PIAS2: variants seen among roughly 807,000 people sequenced by gnomAD.
The protein encoded by PIAS2 is protein inhibitor of activated STAT 2.
Under a neutral mutation model 69.7 loss-of-function variants are expected in PIAS2, and 19 were observed. That is an observed-to-expected ratio of 0.27 (90% CI 0.19 to 0.40). The LOEUF (loss-of-function observed/expected upper bound fraction) is 0.40. Ranked by LOEUF, PIAS2 falls within the 10% of genes least tolerant of loss-of-function variation. The pLI is 1.00. For synonymous variants in PIAS2, 261 were observed against 263.2 expected (o/e 0.99, Z 0.08); for missense variants, 624 against 757.0 (o/e 0.82, Z 2.06).
At position 46,856,029 on chromosome 18, in the gene PIAS2, A is replaced by G. The variant is rs762115994; in HGVS notation, c.585-414T>C. ...TTTTTTTTTTTTTTTTTTTTGAGAC[A>G]GAGTCTTGCCCTGTCGCCCAGGCTG... On this transcript the variant is annotated intron_variant, in intron 3 of 13. Coordinates refer to ENST00000585916, the MANE Select transcript of PIAS2 (RefSeq NM_004671.5). 5.7e-5 allele frequency among the ~76,000 whole-genome samples: 6 copies of G among 104,594 alleles called. No individual in the cohort carries two copies. The Admixed American group carries it at 8.0e-4, about 14-fold the overall frequency. The allele number at this position is 104,594 out of a possible 152,430, so 68.6% of individuals were successfully genotyped here.
At chr18:46,908,266 C>T (rs1200410061) in intron 1 of PIAS2, among the ~76,000 whole-genome samples, 2 of 152,168 alleles carry the variant, frequency 1.3e-5, no homozygotes, top group Non-Finnish European at 2.9e-5. Context: ...TGAGCCACCT[C>T]ACCAGGCAAG....
intron 2 of PIAS2, among the ~76,000 whole-genome samples, chr18:46,871,735 A>C (rs1797905180): frequency 6.6e-6 from 1 of 152,180 alleles, no homozygotes; most frequent in South Asian, 2.1e-4. Flanking sequence ...GAAAGGAGAA[A>C]GGTTTAAAGC....
At chr18:46,881,111 A>T (rs1256575002) in intron 2 of PIAS2, among the ~76,000 whole-genome samples, 1 of 152,162 alleles carries the variant, frequency 6.6e-6, no homozygotes, top group East Asian at 1.9e-4. Context: ...TCTTCAAATG[A>T]AACAGCAGCC....
At chr18:46,913,002 A>G (rs2057426066) in intron 1 of PIAS2, among the ~76,000 whole-genome samples, 1 of 152,168 alleles carries the variant, frequency 6.6e-6, no homozygotes, top group Non-Finnish European at 1.5e-5. Context: ...CTTTAAGTTA[A>G]ATATATTTTG....
chr18:46,889,055 A>G (rs1379096008), intron 2 of PIAS2, among the ~76,000 whole-genome samples: 1 of 152,210 alleles, frequency 6.6e-6, no homozygotes, highest in African/African-American at 2.4e-5. Flanking sequence ...AAAGCTGGAC[A>G]CTCACCTAAT....
intron 1 of PIAS2, among the ~76,000 whole-genome samples, chr18:46,910,250 A>G (rs904594725): frequency 6.6e-6 from 1 of 152,204 alleles, no homozygotes; most frequent in Non-Finnish European, 1.5e-5. Flanking sequence ...AATTCAGTAC[A>G]ATGGCTACTG....
chr18:46,837,348 T>C (rs1318883218), intron 8 of PIAS2, among the ~76,000 whole-genome samples: 1 of 147,862 alleles, frequency 6.8e-6, no homozygotes, highest in Non-Finnish European at 1.5e-5. Flanking sequence ...ATTCCTCTTA[T>C]TTTAAGTGGT....
chr18:46,817,192 T>G, intron 12 of PIAS2: 3 of 965,616 alleles, frequency 3.1e-6, no homozygotes, highest in Non-Finnish European at 3.7e-6. Flanking sequence ...CAATCATCTT[T>G]AATATTTGCT....
At chr18:46,832,397 C>T (rs980113675) in intron 9 of PIAS2, among the ~76,000 whole-genome samples, 1 of 151,634 alleles carries the variant, frequency 6.6e-6, no homozygotes, top group Non-Finnish European at 1.5e-5. Flanking sequence ...GCCTGGGCGA[C>T]AGAGCGAAAC....
chr18:46,821,611 G>C (rs2042189540), intron 11 of PIAS2, among the ~76,000 whole-genome samples: 1 of 152,026 alleles, frequency 6.6e-6, no homozygotes. Flanking sequence ...CGACCAACTT[G>C]ATGGCAATAG....
chr18:46,878,189 C>G (rs1267685095), intron 2 of PIAS2, among the ~76,000 whole-genome samples: 2 of 152,186 alleles, frequency 1.3e-5, no homozygotes, highest in African/African-American at 2.4e-5. Flanking sequence ...CTCTCTACAC[C>G]TCATTTCAAA....
upstream of PIAS2, among the ~76,000 whole-genome samples, chr18:46,918,371 T>C (rs916208408): frequency 6.6e-6 from 1 of 152,192 alleles, no homozygotes; most frequent in Non-Finnish European, 1.5e-5. Context: ...ATCAGCCTCC[T>C]ACCTACCGCC....
intron 11 of PIAS2, among the ~76,000 whole-genome samples, chr18:46,824,427 T>G (rs1223615591): frequency 7.9e-5 from 12 of 152,218 alleles, no homozygotes; most frequent in Non-Finnish European, 1.8e-4. Flanking sequence ...AAGCAACCAC[T>G]CATTTTTCAG....
At chr18:46,894,988 G>A (rs879294791) in intron 1 of PIAS2, among the ~76,000 whole-genome samples, 7 of 151,340 alleles carry the variant, frequency 4.6e-5, no homozygotes, top group Non-Finnish European at 1.0e-4. Context: ...CAGGAGAATC[G>A]CTTGAAACCG....
intron 3 of PIAS2, among the ~76,000 whole-genome samples, chr18:46,858,056 T>C (rs2048096804): frequency 2.0e-5 from 3 of 152,100 alleles, no homozygotes. Flanking sequence ...GACGTATGAA[T>C]TGAACTGGCC....
At chr18:46,818,450 G>A in intron 12 of PIAS2, 1 of 1,565,218 alleles carries the variant, frequency 6.4e-7, no homozygotes, top group Non-Finnish European at 8.7e-7. Flanking sequence ...TTGTTCTCCT[G>A]CAGATTCAGA....
At chr18:46,918,251 T>C (rs2058233181), upstream of PIAS2, among the ~76,000 whole-genome samples, 1 of 152,176 alleles carries the variant, frequency 6.6e-6, no homozygotes, top group African/African-American at 2.4e-5. Flanking sequence ...TGAGTCAAGA[T>C]GGCCAGAAAA....
chr18:46,887,683 GGTTT>G (rs2053432760), intron 2 of PIAS2, among the ~76,000 whole-genome samples: 2 of 152,104 alleles, frequency 1.3e-5, no homozygotes, highest in South Asian at 4.2e-4. Context: ...AAATATAAAA[GGTTT>G]ATTTCTTAGA....
At chr18:46,867,417 C>T (rs1478196923) in intron 2 of PIAS2, among the ~76,000 whole-genome samples, 2 of 152,068 alleles carry the variant, frequency 1.3e-5, no homozygotes, top group South Asian at 2.1e-4. Flanking sequence ...CAAAAGCATA[C>T]CAAACTTTCC....
Sources: allele counts gnomAD v4.1 joint callset (sites outside exome capture counted in the v4.1 genomes callset), GRCh38; gene constraint gnomAD v4.1.1; transcripts MANE v1.5; gene names NCBI Gene and HGNC (gene_info 2026-07-23, HGNC 2026-07-21).